The following GALK2 variants were observed in gnomAD, a reference collection of about 807,000 sequenced individuals.
The protein encoded by GALK2 is N-acetylgalactosamine kinase.
In GALK2, 36 loss-of-function variants were observed where a neutral mutation model predicts 52.4. The ratio of observed to expected loss-of-function variants is 0.69; its 90% CI spans 0.53 to 0.91. The LOEUF (loss-of-function observed/expected upper bound fraction) is 0.91. GALK2 is among the 40% of genes least tolerant of loss of function. The pLI, the probability that GALK2 is intolerant of heterozygous loss-of-function variation, is 0.00. For synonymous variants in GALK2, 176 were observed against 199.1 expected, an observed-to-expected ratio of 0.88 and a Z score of 0.98; for missense variants, 579 against 559.1, an observed-to-expected ratio of 1.04 and a Z score of -0.36.
At chr15:49,182,415 C>T (rs2086042884) in intron 1 of GALK2, among the ~76,000 whole-genome samples, 2 of 152,174 alleles carry the variant, frequency 1.3e-5, no homozygotes, top group Admixed American at 1.3e-4. Context: ...CTTAGGTTGC[C>T]TCCAAATCTT....
At chr15:49,278,967 G>T (rs897139071) in intron 5 of GALK2, among the ~76,000 whole-genome samples, 1 of 152,198 alleles carries the variant, frequency 6.6e-6, no homozygotes, top group Non-Finnish European at 1.5e-5. Context: ...CGGAGTGAGT[G>T]CAGGCAGGGG....
chr15:49,353,630 G>A (rs201368990), intron 3 of GALK2: 25 of 64,784 alleles, frequency 3.9e-4, no homozygotes, highest in African/African-American at 1.4e-3. Context: ...TTTTTTTTTT[G>A]TAAAATCTCA....
intron 8 of GALK2, among the ~76,000 whole-genome samples, chr15:49,295,822 A>G (rs941285096): frequency 3.9e-5 from 6 of 152,164 alleles, no homozygotes; most frequent in Non-Finnish European, 8.8e-5. Context: ...TATAATTCTT[A>G]TCTTCTGCTT....
chr15:49,363,547 T>C lies in GALK2; in HGVS notation c.427-3944T>C, dbSNP rs968667427. On this transcript the variant is annotated intron_variant, in intron 3 of 3. Coordinates refer to the GALK2 transcript ENST00000558399. Reference sequence around the variant, plus strand: ...GGCAGAGACGATTGGTTTTGCTACATATAGGATCATATTGTCTATAAACAA... The same window carrying C: ...GGCAGAGACGATTGGTTTTGCTACACATAGGATCATATTGTCTATAAACAA... 2.6e-5 allele frequency among the ~76,000 whole-genome samples: 4 copies of C among 152,306 alleles called. No homozygotes were observed. The South Asian group carries it at 8.3e-4, about 32-fold the overall frequency.
intron 3 of GALK2, among the ~76,000 whole-genome samples, chr15:49,341,845 GT>G: frequency 6.6e-6 from 1 of 152,084 alleles, no homozygotes; most frequent in Non-Finnish European, 1.5e-5. Flanking sequence ...ATTCAATTGT[GT>G]GGTTTTGGGA....
At chr15:49,229,675 G>A (rs1296562255) in intron 3 of GALK2, among the ~76,000 whole-genome samples, 1 of 152,128 alleles carries the variant, frequency 6.6e-6, no homozygotes, top group Non-Finnish European at 1.5e-5. Flanking sequence ...GTATGCAAGT[G>A]GTAGGCAGTA....
chr15:49,362,476 T>C (rs1369188503), intron 3 of GALK2, among the ~76,000 whole-genome samples: 3 of 152,066 alleles, frequency 2.0e-5, no homozygotes, highest in Non-Finnish European at 4.4e-5. Flanking sequence ...TAGTTCTTTA[T>C]AGCAGCATGA....
intron 7 of GALK2, 81 bp downstream of exon 7, chr15:49,283,799 T>G: frequency 1.4e-6 from 2 of 1,436,094 alleles, no homozygotes; most frequent in Non-Finnish European, 1.9e-6. Context: ...ACTTTATCTC[T>G]TTCCCCAAAT....
chr15:49,279,037 C>T (rs1280459390), intron 5 of GALK2, among the ~76,000 whole-genome samples: 4 of 152,196 alleles, frequency 2.6e-5, no homozygotes, highest in Non-Finnish European at 4.4e-5. Context: ...ATCATGAGAA[C>T]AGCATGAGGG....
intron 8 of GALK2, among the ~76,000 whole-genome samples, chr15:49,311,440 CT>C (rs2035983251): frequency 6.6e-6 from 1 of 152,202 alleles, no homozygotes; most frequent in Non-Finnish European, 1.5e-5. Flanking sequence ...TCTGTTGCTT[CT>C]ATTTCTTTAT....
chr15:49,203,873 A>C (rs1342976770), intron 2 of GALK2, among the ~76,000 whole-genome samples: 4 of 152,172 alleles, frequency 2.6e-5, no homozygotes, highest in African/African-American at 9.6e-5. Context: ...CCAGCACTTT[A>C]GGAAGCCGAG....
intron 5 of GALK2, among the ~76,000 whole-genome samples, chr15:49,255,629 A>ATTCTTGTAG: frequency 6.6e-6 from 1 of 151,690 alleles, no homozygotes; most frequent in Non-Finnish European, 1.5e-5. Flanking sequence ...AATTGTACTT[A>ATTCTTGTAG]ACATTATTTA....
rs764970657 is a variant in GALK2, at chr15:49,283,671, A to T, written c.709A>T (p.Thr237Ser). The T allele has an allele frequency of 6.2e-7, 1 of 1,614,104 alleles. No homozygotes were observed. Among genetic ancestry groups the T allele is most frequent in the Middle Eastern group, 1.6e-4 (1 of 6,062 alleles). Residue 237 changes from threonine to serine, a missense_variant, in exon 7 of 10, where the codon ACT becomes TCT. Physicochemically the swap from Thr to Ser is moderately conservative, Grantham distance 58 (BLOSUM62 1). Coordinates refer to ENST00000560031, the MANE Select transcript of GALK2 (RefSeq NM_002044.4). The part of the protein sequence containing the change: ...NSCVEMNKAA[T>S]SHFNIRVMEC... ...TTGTGTGGAGATGAATAAGGCAGCAACTTCCCATTTCAATATCAGGGTGAT... is the reference window on the plus strand; with the variant it reads ...TTGTGTGGAGATGAATAAGGCAGCATCTTCCCATTTCAATATCAGGGTGAT...
chr15:49,294,617 G>A (rs953593092), intron 8 of GALK2, among the ~76,000 whole-genome samples: 1 of 152,142 alleles, frequency 6.6e-6, no homozygotes, highest in African/African-American at 2.4e-5. Context: ...ATTGACTTCT[G>A]TGGACTGGAA....
At chr15:49,273,835 A>T (rs373795216) in intron 5 of GALK2, among the ~76,000 whole-genome samples, 30 of 152,342 alleles carry the variant, frequency 2.0e-4, no homozygotes, top group African/African-American at 7.2e-4. Flanking sequence ...GTAAAGTCAG[A>T]GGAGCCATTA....
intron 3 of GALK2, among the ~76,000 whole-genome samples, chr15:49,224,698 G>C (rs1372306544): frequency 6.6e-6 from 1 of 152,152 alleles, no homozygotes; most frequent in Non-Finnish European, 1.5e-5. Flanking sequence ...CTGTGTATCT[G>C]TTTTTGTACC....
intron 7 of GALK2, among the ~76,000 whole-genome samples, chr15:49,284,016 C>T (rs751898421): frequency 3.9e-5 from 6 of 152,146 alleles, no homozygotes; most frequent in Non-Finnish European, 5.9e-5. Flanking sequence ...ATGGGAATGA[C>T]CACAGCTGGT....
chr15:49,297,820 T>C (rs2034615870), intron 8 of GALK2, among the ~76,000 whole-genome samples: 1 of 152,242 alleles, frequency 6.6e-6, no homozygotes, highest in African/African-American at 2.4e-5. Context: ...TTGGTTACTG[T>C]AGCCTTGTAG....
At chr15:49,281,521 A>G (rs1246876079) in intron 5 of GALK2, among the ~76,000 whole-genome samples, 2 of 152,334 alleles carry the variant, frequency 1.3e-5, no homozygotes, top group Middle Eastern at 3.4e-3. Flanking sequence ...TTTAATGGAA[A>G]TGCCAGAGAG....
Sources: gnomAD v4.1 joint callset for allele counts (sites outside exome capture counted in the v4.1 genomes callset) on GRCh38, gnomAD v4.1.1 for gene constraint, MANE v1.5 for transcripts, NCBI Gene and HGNC (gene_info 2026-07-23, HGNC 2026-07-21) for gene names.